The following RUVBL2 variants were observed in gnomAD, a reference collection of about 807,000 sequenced individuals.
The protein encoded by RUVBL2 is ruvB-like 2.
RUVBL2 carries 9 observed loss-of-function variants against 57.9 expected under a neutral mutation model. The observed-to-expected ratio is 0.16, with a 90% confidence interval of 0.09 to 0.27. The LOEUF is 0.27. Among genes scored for constraint, RUVBL2 ranks in the 10% least tolerant of loss-of-function variants. The probability of loss-of-function intolerance (pLI) is 1.00; values close to 1 mark genes in which losing one functional copy is unlikely to be tolerated. For missense variants in RUVBL2, 456 were observed against 669.6 expected, an observed-to-expected ratio of 0.68 and a Z score of 3.52; for synonymous variants, 278 against 264.6, an observed-to-expected ratio of 1.05 and a Z score of -0.49.
At chr19:49,003,839 G>T (rs1377822774) in intron 3 of RUVBL2, among the ~76,000 whole-genome samples, 1 of 151,716 alleles carries the variant, frequency 6.6e-6, no homozygotes, top group Non-Finnish European at 1.5e-5. Context: ...GTTAGACTGG[G>T]TGCAATGGCT....
At position 49,011,107 on chromosome 19, in the gene RUVBL2, A is replaced by G. The variant is rs369166879; in HGVS notation, c.882+14A>G. 9 of 1,605,060 alleles carry G rather than the reference A, an allele frequency of 5.6e-6. No homozygotes were observed. Among genetic ancestry groups the G allele is most frequent in the African/African-American group, 2.7e-5 (2 of 74,770 alleles). The stretch of plus-strand genomic sequence containing the variant: ...ATCATCCCTGGAGTGAGGACCCAGG[A>G]CATGGCCGGGGCGGGTGGTGGGGTG... On this transcript the variant is annotated intron_variant, in intron 10 of 14. Transcript: ENST00000595090. This position sits in a 1 kb window ranked among gnomAD's most constrained non-coding sequence, Gnocchi z 4.4.
At chr19:49,010,467 T>TGGGCC in intron 8 of RUVBL2, 21 bp from the exon 9 acceptor site, 10 of 1,401,166 alleles carry the variant, frequency 7.1e-6, no homozygotes, top group Non-Finnish European at 9.9e-6. Context: ...CCGCCGTTCT[T>TGGGCC]CCCCCACCCC....
At chr19:48,994,112 T>G in intron 1 of RUVBL2, 189 bp downstream of exon 1, 2 of 142,250 alleles carry the variant, frequency 1.4e-5, no homozygotes, top group East Asian at 1.6e-4. Context: ...GCTGGACTTC[T>G]GGATCTGAGG....
intron 5 of RUVBL2, 22 bp from the exon 6 acceptor site, chr19:49,007,280 C>G: frequency 6.2e-7 from 1 of 1,612,726 alleles, no homozygotes; most frequent in Admixed American, 1.7e-5. Context: ...AGGCTGTCTC[C>G]TCAGATCTGC....
intron 2 of RUVBL2, among the ~76,000 whole-genome samples, chr19:49,000,951 G>T (rs1245016891): frequency 6.6e-6 from 1 of 151,674 alleles, no homozygotes; most frequent in Non-Finnish European, 1.5e-5. Flanking sequence ...TGAATCAGGA[G>T]TTCAAGACCA....
At chr19:48,994,497 A>C (rs558700394) in intron 1 of RUVBL2, 2 of 154,840 alleles carry the variant, frequency 1.3e-5, no homozygotes, top group Non-Finnish European at 2.9e-5. Context: ...CCATTTTCAT[A>C]TTTCCAGTAT....
chr19:49,015,982 C>T (rs751348372), downstream of RUVBL2: 17 of 1,614,178 alleles, frequency 1.1e-5, no homozygotes, highest in Admixed American at 1.7e-5. Context: ...CTCCAGAGTG[C>T]GGATTGAGAA....
Position 48,993,923 on chromosome 19 carries a change from T to C in RUVBL2, c.12T>C (p.Val4=). Residue 4 remains valine, a splice_region_variant and synonymous_variant, in exon 1 of 15, where the codon GTT becomes GTC. Transcript: ENST00000595090. ...AGTTGGTGAGCATCATGGCAACCGT[T>C]GTAAGTGTGGGTGCATGGAGGGTGA... is the stretch of plus-strand genomic sequence containing the variant. The part of the protein sequence containing the change: MAT[V]TATTKVPEIR... The C allele has an allele frequency of 6.2e-7, 1 of 1,613,832 alleles. No individual in the cohort carries two copies. The highest frequency in any genetic ancestry group is 8.5e-7 in the Non-Finnish European group (1 of 1,179,944).
At chr19:49,006,362 C>G (rs1316564168) in intron 4 of RUVBL2, among the ~76,000 whole-genome samples, 1 of 152,244 alleles carries the variant, frequency 6.6e-6, no homozygotes. Flanking sequence ...TGCCAGCCAC[C>G]CCAGGCCACC....
rs1182201999 is a variant in RUVBL2 at position 49,011,103 on chromosome 19, C to T, written c.882+10C>T. 5.0e-6 allele frequency: 8 copies of T among 1,608,648 alleles called. No homozygotes were observed. Among genetic ancestry groups the T allele is most frequent in the Non-Finnish European group, 6.8e-6 (8 of 1,177,744 alleles). The stretch of plus-strand genomic sequence containing the variant: ...GGAGATCATCCCTGGAGTGAGGACC[C>T]AGGACATGGCCGGGGCGGGTGGTGG... On this transcript the variant is annotated intron_variant, in intron 10 of 14. Transcript: ENST00000595090. This position sits in a 1 kb window ranked among gnomAD's most constrained non-coding sequence, Gnocchi z 4.4.
intron 4 of RUVBL2, 149 bp from the exon 5 acceptor site, chr19:49,006,869 G>T: frequency 1.0e-6 from 1 of 992,262 alleles, no homozygotes; most frequent in Non-Finnish European, 1.5e-6. Flanking sequence ...CCTCCCCAGC[G>T]CTCTGCTCAG....
At chr19:48,997,258 T>G (rs80332228) in intron 1 of RUVBL2, among the ~76,000 whole-genome samples, 3,260 of 152,284 alleles carry the variant, frequency 0.021, 118 homozygotes, top group African/African-American at 0.074. Context: ...ATACCATATG[T>G]GTCTTTCGTG....
At chr19:48,996,630 A>G (rs2039067599) in intron 1 of RUVBL2, among the ~76,000 whole-genome samples, 1 of 151,734 alleles carries the variant, frequency 6.6e-6, no homozygotes, top group East Asian at 1.9e-4. Context: ...GGTTCAAGCA[A>G]TTCTCCTGCC....
rs199620197 is a variant in RUVBL2 at position 48,999,190 on chromosome 19, T to G, written c.13-129T>G. ...GACAGGCAAGAGGGGTGGGGGTGAC[T>G]GGTGCCTGTCCCATCGCCTGCCTGT... On this transcript the variant is annotated intron_variant, in intron 1 of 14. Coordinates refer to ENST00000595090, the MANE Select transcript of RUVBL2 (RefSeq NM_006666.3). 1.2e-5 allele frequency: 12 copies of G among 963,886 alleles called. No individual in the cohort carries two copies. The East Asian group carries it at 2.6e-4, about 21-fold the overall frequency. 59.7% of individuals were successfully genotyped at this position (963,886 alleles called of 1,614,324 possible).
In RUVBL2 at chr19:49,009,983, A is replaced by G; in HGVS notation, c.580A>G (p.Thr194Ala). 1 of 1,594,340 alleles carries G rather than the reference A, an allele frequency of 6.3e-7. No individual in the cohort carries two copies. The highest frequency in any genetic ancestry group is 1.1e-5 in the South Asian group (1 of 89,068). ...KDKVQAGDVI[T>A]IDKATGKISK... ...CCCATCCCCCTGTAGGGACGTGATC[A>G]CCATCGACAAGGCGACGGGCAAGAT... Residue 194 changes from threonine (T) to alanine (A), a missense_variant, in exon 8 of 15, where the codon ACC becomes GCC. Transcript: ENST00000595090.
intron 1 of RUVBL2, among the ~76,000 whole-genome samples, chr19:48,998,688 G>T (rs1248997926): frequency 1.3e-5 from 2 of 149,780 alleles, no homozygotes; most frequent in African/African-American, 4.9e-5. Flanking sequence ...CAACCTGGGC[G>T]ACAGAGCAGA....
rs774545061 is a variant in RUVBL2, at chr19:49,015,090, G to A, written c.1191G>A (p.Thr397=). The A allele has an allele frequency of 3.4e-5, 54 of 1,609,992 alleles. No homozygotes were observed. The highest frequency in any genetic ancestry group is 1.6e-4 in the Middle Eastern group (1 of 6,078). Residue 397 remains threonine (T), a synonymous_variant, in exon 13 of 15, where the codon ACG becomes ACA. Coordinates refer to ENST00000595090, the MANE Select transcript of RUVBL2 (RefSeq NM_006666.3). The part of the protein sequence containing the change: ...YTVLTRIGLE[T]SLRYAIQLIT... ...TGCTGACCCGCATCGGGCTGGAGAC[G>A]TCACTGCGCTACGCCATCCAGCTCA...
At chr19:48,997,165 C>T (rs1395705516) in intron 1 of RUVBL2, among the ~76,000 whole-genome samples, 3 of 152,168 alleles carry the variant, frequency 2.0e-5, no homozygotes, top group South Asian at 2.1e-4. Context: ...CCTTCCATAC[C>T]TCCCATCTTC....
At chr19:49,014,011 C>T (rs568653467) in intron 11 of RUVBL2, among the ~76,000 whole-genome samples, 2 of 152,226 alleles carry the variant, frequency 1.3e-5, no homozygotes, top group African/African-American at 2.4e-5. Flanking sequence ...AGCCGAGGCT[C>T]GAGAGAGCCT....
Sources: gnomAD v4.1 joint callset for allele counts (sites outside exome capture counted in the v4.1 genomes callset) on GRCh38, gnomAD v4.1.1 for gene constraint, Gnocchi (gnomAD v3.1) non-coding constraint, MANE v1.5 for transcripts, NCBI Gene and HGNC (gene_info 2026-07-23, HGNC 2026-07-21) for gene names.